The following GSE1 variants were observed in gnomAD, a reference collection of about 807,000 sequenced individuals.
GSE1 encodes the protein genetic suppressor element 1.
A neutral mutation model predicts 112.6 loss-of-function variants in GSE1; 32 were observed. The ratio of observed to expected loss-of-function variants is 0.28; its 90% CI spans 0.21 to 0.38. The LOEUF is 0.38. Ranked by LOEUF, GSE1 falls within the 10% of genes least tolerant of loss-of-function variation. GSE1 has a pLI of 1.00. For synonymous variants in GSE1, 1,115 were observed against 735.6 expected (o/e 1.52, Z -8.35); for missense variants, 2,348 against 1,699.2 (o/e 1.38, Z -6.71).
At chr16:85,232,587 C>T (rs1271494654) in intron 1 of GSE1, among the ~76,000 whole-genome samples, 1 of 152,230 alleles carries the variant, frequency 6.6e-6, no homozygotes, top group African/African-American at 2.4e-5. Context: ...CCAAGGGAGG[C>T]CCAGCAGACC....
At chr16:85,490,326 A>T (rs1337993744) in intron 2 of GSE1, 1 of 152,194 alleles carries the variant, frequency 6.6e-6, no homozygotes, top group Non-Finnish European at 1.5e-5. Flanking sequence ...GGACCCGTCT[A>T]TCCCTGATTC....
rs148677301 is a variant in GSE1 at position 85,449,731 on chromosome 16, G to C, written c.2464+92088G>C. On this transcript the variant is annotated intron_variant, in intron 2 of 2. Transcript: ENST00000637419. ...GGGGGCACTGGGGCCAGCATGCCTG[G>C]GGTTTGGATCGCTGCTGTGTGACTT... Among the ~76,000 whole-genome samples, 392 of 152,340 alleles carry C rather than the reference G, an allele frequency of 2.6e-3. 1 individual carries two copies. The highest frequency in any genetic ancestry group is 9.0e-3 in the African/African-American group (375 of 41,584).
chr16:85,366,734 G>A (rs993218360), intron 2 of GSE1, among the ~76,000 whole-genome samples: 3 of 152,160 alleles, frequency 2.0e-5, no homozygotes, highest in African/African-American at 7.2e-5. Context: ...AGATTTGTAT[G>A]AAATAAAAAA....
chr16:85,670,495 T>A (rs2053242071), intron 14 of GSE1: 1 of 152,288 alleles, frequency 6.6e-6, no homozygotes, highest in Non-Finnish European at 1.5e-5. Context: ...GTATCCAGAT[T>A]GTGAGCACTT....
chr16:85,266,603 G>C (rs1384864478), intron 1 of GSE1, among the ~76,000 whole-genome samples: 2 of 152,170 alleles, frequency 1.3e-5, no homozygotes, highest in Non-Finnish European at 2.9e-5. Context: ...CTGGTGCAGA[G>C]CTGAGCTGTG....
At chr16:85,529,399 AT>A (rs1338081643) in intron 2 of GSE1, among the ~76,000 whole-genome samples, 1 of 152,172 alleles carries the variant, frequency 6.6e-6, no homozygotes, top group Non-Finnish European at 1.5e-5. Flanking sequence ...TATTTTATTT[AT>A]TTTTTTAAGA....
At chr16:85,191,869 G>A (rs1051695277) in intron 1 of GSE1, among the ~76,000 whole-genome samples, 1 of 152,182 alleles carries the variant, frequency 6.6e-6, no homozygotes, top group African/African-American at 2.4e-5. Context: ...TTGGGTGGTG[G>A]GACGGTCTGG....
chr16:85,642,597 C>A (rs1371301260), intron 2 of GSE1, among the ~76,000 whole-genome samples: 2 of 152,338 alleles, frequency 1.3e-5, no homozygotes, highest in Non-Finnish European at 2.9e-5. Flanking sequence ...CCGGAGCCGT[C>A]CCCTAGGGCT....
chr16:85,256,037 C>T (rs1266446752), intron 1 of GSE1, among the ~76,000 whole-genome samples: 1 of 152,196 alleles, frequency 6.6e-6, no homozygotes, highest in African/African-American at 2.4e-5. Flanking sequence ...CCTTAACCTC[C>T]GTGTGCCTCA....
intron 1 of GSE1, among the ~76,000 whole-genome samples, chr16:85,574,046 G>A (rs1159737154): frequency 2.0e-5 from 3 of 152,154 alleles, no homozygotes; most frequent in Non-Finnish European, 2.9e-5. Context: ...GGAGAGGCCC[G>A]CTCCCCACAC....
intron 1 of GSE1, among the ~76,000 whole-genome samples, chr16:85,338,158 C>G (rs1356380585): frequency 6.6e-6 from 1 of 152,262 alleles, no homozygotes; most frequent in Non-Finnish European, 1.5e-5. Flanking sequence ...CACGGCAGGG[C>G]AGGGCAGGCT....
intron 2 of GSE1, among the ~76,000 whole-genome samples, chr16:85,513,328 C>T (rs28675014): frequency 0.051 from 7,750 of 152,212 alleles, 671 homozygotes; most frequent in African/African-American, 0.18. Flanking sequence ...TCTCCCAGCT[C>T]AGCCACTTTG....
chr16:85,413,712 T>G (rs1198874585), intron 2 of GSE1, among the ~76,000 whole-genome samples: 1 of 152,134 alleles, frequency 6.6e-6, no homozygotes, highest in East Asian at 1.9e-4. Context: ...TAGAGAATCC[T>G]AATGGTTACT....
intron 1 of GSE1, among the ~76,000 whole-genome samples, chr16:85,317,900 C>T (rs1276883311): frequency 6.6e-6 from 1 of 152,230 alleles, no homozygotes; most frequent in Non-Finnish European, 1.5e-5. Flanking sequence ...TGGACATCTG[C>T]CTCAGCCCGG....
rs377063523 is a variant in GSE1 at position 85,260,171 on chromosome 16, C to T, written c.2283+88364C>T. On this transcript the variant is annotated intron_variant, in intron 1 of 2. Coordinates refer to the GSE1 transcript ENST00000637419. ...GGTGGCGCTTCCAGACTGGGGCTCA[C>T]GGCAGCCCACTGCCCTCCCATGGTA... Among the ~76,000 whole-genome samples the T allele has an allele frequency of 3.4e-4, 52 of 152,318 alleles. No homozygotes were observed. In the East Asian group the frequency reaches 7.9e-3, roughly 23 times the overall value.
At chr16:85,215,805 G>A (rs1484269831) in intron 1 of GSE1, among the ~76,000 whole-genome samples, 1 of 152,150 alleles carries the variant, frequency 6.6e-6, no homozygotes, top group African/African-American at 2.4e-5. Context: ...GCTTTGGAGG[G>A]CTAGCCTAGG....
intron 3 of GSE1, among the ~76,000 whole-genome samples, chr16:85,651,995 G>C (rs553729655): frequency 6.6e-6 from 1 of 152,368 alleles, no homozygotes; most frequent in South Asian, 2.1e-4. Flanking sequence ...TGCCAGGCAG[G>C]GTAGGGGCGT....
At chr16:85,657,169 C>T (rs2151938186) in intron 7 of GSE1, 108 bp from the exon 8 acceptor site, 1 of 756,140 alleles carries the variant, frequency 1.3e-6, no homozygotes, top group Non-Finnish European at 2.1e-6. Context: ...CGGGAAGAAC[C>T]CTTTGGAAGG....
intron 2 of GSE1, among the ~76,000 whole-genome samples, chr16:85,463,868 A>G (rs904239694): frequency 5.9e-5 from 9 of 152,094 alleles, no homozygotes; most frequent in African/African-American, 2.2e-4. Context: ...TGGGCCACTG[A>G]GGTCCTCAGG....
Sources: allele counts gnomAD v4.1 joint callset (sites outside exome capture counted in the v4.1 genomes callset), GRCh38; gene constraint gnomAD v4.1.1; transcripts MANE v1.5; gene names NCBI Gene and HGNC (gene_info 2026-07-23, HGNC 2026-07-21).